The following NUBPL variants were observed in gnomAD, a reference collection of about 807,000 sequenced individuals.
The protein encoded by NUBPL is iron-sulfur cluster transfer protein NUBPL.
In NUBPL, 31 loss-of-function variants were observed where a neutral mutation model predicts 45.7. That is an observed-to-expected ratio of 0.68 (90% confidence interval 0.51 to 0.92). The LOEUF (loss-of-function observed/expected upper bound fraction) is 0.92. NUBPL is among the 40% of genes least tolerant of loss of function. The pLI is 0.00. For synonymous variants in NUBPL, 144 were observed against 140.9 expected (o/e 1.02, Z -0.15); for missense variants, 401 against 398.7 (o/e 1.01, Z -0.05).
Position 31,562,309 on chromosome 14 carries a change from T to G in NUBPL, c.256+94T>G, listed in dbSNP as rs117666355. On this transcript the variant is annotated intron_variant, in intron 2 of 10. Coordinates refer to ENST00000281081, the MANE Select transcript of NUBPL (RefSeq NM_025152.3). ...ATTATAGTTTTGTGTTTTAAAAATTTATTTGTGAAGTTCCTAACATGTGAT... is the reference window on the plus strand; with the variant it reads ...ATTATAGTTTTGTGTTTTAAAAATTGATTTGTGAAGTTCCTAACATGTGAT... The G allele has an allele frequency of 1.0e-4, 126 of 1,232,454 alleles. 1 individual carries two copies. In the East Asian group the frequency reaches 3.1e-3, roughly 30 times the overall value. 76.3% of individuals were successfully genotyped at this position (1,232,454 alleles called of 1,614,324 possible).
In NUBPL at chr14:31,860,755, T is replaced by TAA. The variant is rs901432096; in HGVS notation, c.*1577_*1578dup. 3.9e-5 allele frequency: 6 copies of TAA among 152,108 alleles called. No individual in the cohort carries two copies. The highest frequency in any genetic ancestry group is 6.6e-5 in the Admixed American group (1 of 15,260). The allele number at this position is 152,108 out of a possible 1,614,324, so 9.4% of individuals were successfully genotyped here. A position where few individuals can be genotyped will look rare whatever the true frequency, so the allele number is the denominator to read the frequency against. ...AACAACCCAGATTTTCTTCATTGGG[T>TAA]AAATGATTAAACAAACCATAGTACA... is the stretch of plus-strand genomic sequence containing the variant. On this transcript the variant is annotated 3_prime_UTR_variant, in exon 11 of 11. Transcript: ENST00000281081.
chr14:31,648,633 A>T (rs1476890901), intron 4 of NUBPL, among the ~76,000 whole-genome samples: 2 of 152,206 alleles, frequency 1.3e-5, no homozygotes. Context: ...TTTAACTTGA[A>T]ATATTTAATT....
At chr14:31,586,062 G>T (rs2033988499) in intron 3 of NUBPL, among the ~76,000 whole-genome samples, 1 of 152,108 alleles carries the variant, frequency 6.6e-6, no homozygotes, top group Non-Finnish European at 1.5e-5. Flanking sequence ...TTTGTTGCAG[G>T]TTTTTTCCCC....
intron 8 of NUBPL, among the ~76,000 whole-genome samples, chr14:31,837,284 T>TC (rs2040297150): frequency 6.6e-6 from 1 of 152,172 alleles, no homozygotes; most frequent in Non-Finnish European, 1.5e-5. Flanking sequence ...TGAGCCGTGA[T>TC]CACACTACTG....
chr14:31,636,615 A>G (rs1595405443), intron 4 of NUBPL, among the ~76,000 whole-genome samples: 1 of 152,224 alleles, frequency 6.6e-6, no homozygotes, highest in East Asian at 1.9e-4. Context: ...AAAATGAGTT[A>G]GGAAGGATTT....
intron 6 of NUBPL, among the ~76,000 whole-genome samples, chr14:31,736,432 A>T (rs755813173): frequency 6.6e-6 from 1 of 152,140 alleles, no homozygotes; most frequent in Non-Finnish European, 1.5e-5. Context: ...TTCTTTAAAT[A>T]TTTATTAGTT....
At chr14:31,771,776 G>A (rs933609104) in intron 6 of NUBPL, 1 of 551,716 alleles carries the variant, frequency 1.8e-6, no homozygotes, top group African/African-American at 2.1e-5. Flanking sequence ...ATTTCCTTGT[G>A]CTCTCCTTTA....
At chr14:31,723,474 T>C (rs1312618864) in intron 6 of NUBPL, among the ~76,000 whole-genome samples, 1 of 152,224 alleles carries the variant, frequency 6.6e-6, no homozygotes, top group Non-Finnish European at 1.5e-5. Context: ...TCTAGTTCTG[T>C]GAAGAATGTA....
At chr14:31,618,031 A>G (rs1237561977) in intron 4 of NUBPL, among the ~76,000 whole-genome samples, 2 of 152,056 alleles carry the variant, frequency 1.3e-5, no homozygotes, top group African/African-American at 4.8e-5. Context: ...GAATTTATCC[A>G]TTTCTTCTAG....
At chr14:31,629,343 C>A (rs2035284694) in intron 4 of NUBPL, among the ~76,000 whole-genome samples, 1 of 152,076 alleles carries the variant, frequency 6.6e-6, no homozygotes. Flanking sequence ...TCAGGAAATA[C>A]CTTATTAGGC....
At chr14:31,606,437 G>C (rs2034601281) in intron 4 of NUBPL, among the ~76,000 whole-genome samples, 1 of 152,140 alleles carries the variant, frequency 6.6e-6, no homozygotes, top group Non-Finnish European at 1.5e-5. Context: ...TAAAGAATGA[G>C]AGTGAACTCT....
At chr14:31,801,186 TA>T (rs2039582452) in intron 7 of NUBPL, 1 of 152,194 alleles carries the variant, frequency 6.6e-6, no homozygotes, top group African/African-American at 2.4e-5. Context: ...AGGTAGGTAA[TA>T]AAACTTCAAA....
At chr14:31,596,336 C>A (rs941206587) in intron 3 of NUBPL, among the ~76,000 whole-genome samples, 34 of 152,138 alleles carry the variant, frequency 2.2e-4, no homozygotes, top group Non-Finnish European at 1.2e-4. Context: ...TAAATCTTTA[C>A]TGAGATAGCT....
chr14:31,634,272 T>A (rs1220978039), intron 4 of NUBPL, among the ~76,000 whole-genome samples: 1 of 117,964 alleles, frequency 8.5e-6, no homozygotes, highest in African/African-American at 3.3e-5. Flanking sequence ...GAGAGTGTGA[T>A]CTTCCCCTTC....
At chr14:31,716,433 AT>A (rs1463414725) in intron 6 of NUBPL, among the ~76,000 whole-genome samples, 1 of 152,164 alleles carries the variant, frequency 6.6e-6, no homozygotes, top group African/African-American at 2.4e-5. Context: ...AACCACACTT[AT>A]GAGTAATTTG....
At chr14:31,764,674 G>A (rs1019124501) in intron 6 of NUBPL, among the ~76,000 whole-genome samples, 1 of 152,178 alleles carries the variant, frequency 6.6e-6, no homozygotes, top group Admixed American at 6.5e-5. Flanking sequence ...AATGACCAAT[G>A]TACTTAAATG....
intron 6 of NUBPL, chr14:31,686,713 A>G (rs750883090): frequency 6.6e-6 from 1 of 152,172 alleles, no homozygotes; most frequent in Non-Finnish European, 1.5e-5. Context: ...ATGCTTCACA[A>G]ATTTATGTGT....
rs2038639019 is a variant in NUBPL at position 31,755,491 on chromosome 14, GTCT to G, written c.514-32284_514-32282del. Among the ~76,000 whole-genome samples, 8 of 152,278 alleles carry G rather than the reference GTCT, an allele frequency of 5.3e-5. No homozygotes were observed. In the South Asian group the frequency reaches 1.7e-3, roughly 32 times the overall value. Reference sequence around the variant, plus strand: ...TCATGTGTTTTTTGGCTTCATAAATGTCTTCTTTTGAGAAGTGTCTGTTCATGT... The same window carrying G: ...TCATGTGTTTTTTGGCTTCATAAATGTCTTTTGAGAAGTGTCTGTTCATGT... On this transcript the variant is annotated intron_variant, in intron 6 of 10. Coordinates refer to ENST00000281081, the MANE Select transcript of NUBPL (RefSeq NM_025152.3).
chr14:31,619,167 C>T (rs2034992344), intron 4 of NUBPL, among the ~76,000 whole-genome samples: 1 of 152,100 alleles, frequency 6.6e-6, no homozygotes, highest in South Asian at 2.1e-4. Context: ...TTATTTTGAG[C>T]CTATGTGTGT....
Sources: allele counts gnomAD v4.1 joint callset (sites outside exome capture counted in the v4.1 genomes callset), GRCh38; gene constraint gnomAD v4.1.1; transcripts MANE v1.5; gene names NCBI Gene and HGNC (gene_info 2026-07-23, HGNC 2026-07-21).